The following LDHA variants were observed in gnomAD, a reference collection of about 807,000 sequenced individuals.
LDHA encodes L-lactate dehydrogenase A chain.
Under a neutral mutation model 36.3 loss-of-function variants are expected in LDHA, and 10 were observed. The observed-to-expected ratio is 0.28, with a 90% confidence interval of 0.17 to 0.47. The LOEUF (loss-of-function observed/expected upper bound fraction) is 0.47. Among genes scored for constraint, LDHA ranks in the 20% least tolerant of loss-of-function variants. LDHA has a pLI of 0.99. For synonymous variants in LDHA, 110 were observed against 136.7 expected (o/e 0.80, Z 1.36); for missense variants, 267 against 405.8 (o/e 0.66, Z 2.94).
rs1272203286 is a variant in LDHA, at chr11:18,394,644, AG to A, written c.-25+11del. On this transcript the variant is annotated intron_variant, in intron 1 of 7. Transcript: ENST00000422447. The stretch of plus-strand genomic sequence containing the variant: ...GCCCGACGTGCATTCCCGGTACGGT[AG>A]GGCCCTGCGCGCACGGCGCCAGAGG... 4 of 453,820 alleles carry A rather than the reference AG, an allele frequency of 8.8e-6. No homozygotes were observed. Among genetic ancestry groups the A allele is most frequent in the Non-Finnish European group, 1.8e-5 (4 of 226,732 alleles). 28.1% of individuals were successfully genotyped at this position (453,820 alleles called of 1,614,324 possible). A position where few individuals can be genotyped will look rare whatever the true frequency, so the allele number is the denominator to read the frequency against.
In LDHA at chr11:18,394,617, C is replaced by T. The variant is rs1187706288; in HGVS notation, c.-44C>T. 3 of 454,050 alleles carry T rather than the reference C, an allele frequency of 6.6e-6. No individual in the cohort carries two copies. The highest frequency in any genetic ancestry group is 3.1e-5 in the South Asian group (2 of 64,480). 28.1% of individuals were successfully genotyped at this position (454,050 alleles called of 1,614,324 possible). A position where few individuals can be genotyped will look rare whatever the true frequency, so the allele number is the denominator to read the frequency against. On this transcript the variant is annotated 5_prime_UTR_variant, in exon 1 of 8. Transcript: ENST00000422447. ...TCTCATTGCCACGCGCCCCCGACGA[C>T]CGCCCGACGTGCATTCCCGGTACGG...
rs1341687956 is a variant in LDHA, at chr11:18,407,509, G to A, written c.*228G>A. ...CTTGTGTAGTCTTCAACTGGTTAGT[G>A]TGAAATAGTTCTGCCACCTCTGACG... On this transcript the variant is annotated 3_prime_UTR_variant, in exon 8 of 8. Transcript: ENST00000422447. 4.2e-5 allele frequency: 38 copies of A among 896,010 alleles called. No individual in the cohort carries two copies. Among genetic ancestry groups the A allele is most frequent in the East Asian group, 7.9e-5 (3 of 38,066 alleles). 55.5% of individuals were successfully genotyped at this position (896,010 alleles called of 1,614,324 possible). A position where few individuals can be genotyped will look rare whatever the true frequency, so the allele number is the denominator to read the frequency against.
intron 3 of LDHA, chr11:18,400,172 T>C (rs1866431257): frequency 1.1e-5 from 2 of 178,194 alleles, no homozygotes; most frequent in African/African-American, 4.8e-5. Flanking sequence ...AAGTTGAGAA[T>C]AGGGTAAATA....
At chr11:18,401,479 T>TC (rs1866496816) in intron 4 of LDHA, among the ~76,000 whole-genome samples, 3 of 89,616 alleles carry the variant, frequency 3.3e-5, no homozygotes, top group Non-Finnish European at 4.4e-5. Context: ...TTTTCTTTTT[T>TC]TTTTTTTTTT....
chr11:18,397,024 C>T (rs894142315), intron 2 of LDHA, 56 bp downstream of exon 2: 2 of 1,437,774 alleles, frequency 1.4e-6, no homozygotes, highest in Admixed American at 1.7e-5. Context: ...CCTCTACCCC[C>T]ACTCCTACCC....
At chr11:18,404,625 G>A (rs1275199558) in intron 6 of LDHA, among the ~76,000 whole-genome samples, 1 of 151,336 alleles carries the variant, frequency 6.6e-6, no homozygotes, top group Admixed American at 6.6e-5. Context: ...TGGCTAACAC[G>A]GTGAAACCCC....
At position 18,400,146 on chromosome 11, in the gene LDHA, C is replaced by T. The variant is rs368419647; in HGVS notation, c.244+598C>T. ...ACATTGTGTTACTTACTTGCCCCCA[C>T]ATCCTTTCACACACGAAGTTGAGAA... is the stretch of plus-strand genomic sequence containing the variant. On this transcript the variant is annotated intron_variant, in intron 3 of 7. Transcript: ENST00000422447. 2.3e-5 allele frequency: 4 copies of T among 176,600 alleles called. No homozygotes were observed. The East Asian group carries it at 5.8e-4, about 26-fold the overall frequency. 10.9% of individuals were successfully genotyped at this position (176,600 alleles called of 1,614,324 possible).
chr11:18,396,602 C>T (rs1287241973), intron 1 of LDHA: 2 of 1,379,502 alleles, frequency 1.4e-6, no homozygotes, highest in East Asian at 2.7e-5. Flanking sequence ...ATTCCTTTTC[C>T]ACGCTAAGGT....
intron 1 of LDHA, chr11:18,396,548 A>G (rs1866311487): frequency 3.0e-6 from 4 of 1,337,440 alleles, no homozygotes; most frequent in Admixed American, 3.6e-5. Flanking sequence ...ATAAACCGCG[A>G]TGGGTGAACC....
intron 1 of LDHA, chr11:18,396,289 C>A (rs1209896253): frequency 2.7e-6 from 1 of 369,894 alleles, no homozygotes; most frequent in Non-Finnish European, 4.8e-6. Flanking sequence ...AAAAGCCGGG[C>A]GTTCGGAGGA....
In LDHA at chr11:18,408,393, C is replaced by T. The variant is rs4757653; in HGVS notation, c.*1112C>T. 272,101 of 348,536 alleles carry T rather than the reference C, an allele frequency of 0.78. 107,944 individuals carry two copies. Among genetic ancestry groups the T allele is most frequent in the Admixed American group, 0.85 (21,586 of 25,478 alleles). The allele number at this position is 348,536 out of a possible 1,614,324, so 21.6% of individuals were successfully genotyped here. ...GGTGGATGTCTACTCAAGTTTTCTG[C>T]ACATTTTTCTGAAAATACAACTGTG... On this transcript the variant is annotated 3_prime_UTR_variant, in exon 8 of 8. Coordinates refer to ENST00000422447, the MANE Select transcript of LDHA (RefSeq NM_005566.4).
At chr11:18,397,190 C>A in intron 2 of LDHA, 1 of 464,048 alleles carries the variant, frequency 2.2e-6, no homozygotes, top group Non-Finnish European at 3.8e-6. Context: ...AGACCCAGTT[C>A]CTAAAATTCA....
chr11:18,399,937 A>G, intron 3 of LDHA: 1 of 195,806 alleles, frequency 5.1e-6, no homozygotes, highest in Non-Finnish European at 1.1e-5. Context: ...CTAGCTCTTT[A>G]AAGATTTTGT....
At chr11:18,404,357 C>T (rs145662285) in intron 6 of LDHA, among the ~76,000 whole-genome samples, 285 of 151,944 alleles carry the variant, frequency 1.9e-3, no homozygotes, top group African/African-American at 5.5e-3. Flanking sequence ...TGCAGTGAAG[C>T]GAGATCCTGC....
At position 18,396,729 on chromosome 11, in the gene LDHA, C is replaced by T. The variant is rs547974367; in HGVS notation, c.-24-90C>T. 65 of 1,393,756 alleles carry T rather than the reference C, an allele frequency of 4.7e-5. No individual in the cohort carries two copies. The African/African-American group carries it at 8.8e-4, about 19-fold the overall frequency. The allele number at this position is 1,393,756 out of a possible 1,614,324, so 86.3% of individuals were successfully genotyped here. On this transcript the variant is annotated intron_variant, in intron 1 of 7. Coordinates refer to ENST00000422447, the MANE Select transcript of LDHA (RefSeq NM_005566.4). ...TCTAGTGATTTATAGTGGCAAATAC[C>T]CCCAAAGGAAGTAAAATAGCTTAAA... is the stretch of plus-strand genomic sequence containing the variant.
At chr11:18,396,788 G>T (rs762686295) in intron 1 of LDHA, 31 bp from the exon 2 acceptor site, 3 of 1,560,910 alleles carry the variant, frequency 1.9e-6, no homozygotes, top group Admixed American at 1.9e-5. Context: ...TAAAGAAGCT[G>T]TAGTGACACT....
chr11:18,401,002 C>A lies in LDHA; in HGVS notation c.410C>A (p.Ser137Ter), dbSNP rs777988373. ...YSPNCKLLIV[S>*]NPVDILTYVA... is the part of the protein sequence containing the mutation. ...CCGAACTGCAAGTTGCTTATTGTTT[C>A]AAATCCAGGTGAGGCTTTTGACTGC... Residue 137 changes from serine (S) to a stop codon, truncating the protein, a stop_gained, in exon 4 of 8, where the codon TCA (serine) becomes TAA (stop). Coordinates refer to ENST00000422447, the MANE Select transcript of LDHA (RefSeq NM_005566.4). LOFTEE classifies it high-confidence loss of function. The A allele has an allele frequency of 3.1e-6, 5 of 1,612,364 alleles. No individual in the cohort carries two copies. The Admixed American group carries it at 6.7e-5, about 22-fold the overall frequency.
Position 18,396,975 on chromosome 11 carries a change from GA to G in LDHA, c.126+8del, listed in dbSNP as rs1204633117. 1 of 1,613,950 alleles carries G rather than the reference GA, an allele frequency of 6.2e-7. No homozygotes were observed. The highest frequency in any genetic ancestry group is 8.5e-7 in the Non-Finnish European group (1 of 1,179,866). ...CATCAGTATCTTAATGAAGGTAAGT[GA>G]GAGTCTACCACACTGGAAGCCCATA... On this transcript the variant is annotated splice_region_variant and intron_variant, in intron 2 of 7. Transcript: ENST00000422447.
intron 2 of LDHA, among the ~76,000 whole-genome samples, chr11:18,397,715 G>T (rs1269189756): frequency 6.6e-6 from 1 of 152,074 alleles, no homozygotes; most frequent in South Asian, 2.1e-4. Flanking sequence ...GGAGGCTGAG[G>T]CAGGAGAATT....
Sources: allele counts gnomAD v4.1 joint callset (sites outside exome capture counted in the v4.1 genomes callset), GRCh38; gene constraint gnomAD v4.1.1; transcripts MANE v1.5; gene names NCBI Gene and HGNC (gene_info 2026-07-23, HGNC 2026-07-21).